Variants in FCHSD2 observed in about 807,000 individuals in gnomAD.
The protein encoded by FCHSD2 is FCH and double SH3 domains 2, also known as F-BAR and double SH3 domains protein 2.
In FCHSD2, 38 loss-of-function variants were observed where a neutral mutation model predicts 108.1. That is an observed-to-expected ratio of 0.35 (90% CI 0.27 to 0.46). FCHSD2 has a LOEUF of 0.46. Among genes scored for constraint, FCHSD2 ranks in the 20% least tolerant of loss-of-function variants. FCHSD2 has a pLI of 1.00. For missense variants in FCHSD2, 751 were observed against 897.8 expected, an observed-to-expected ratio of 0.84 and a Z score of 2.09; for synonymous variants, 279 against 314.7, an observed-to-expected ratio of 0.89 and a Z score of 1.20.
intron 13 of FCHSD2, among the ~76,000 whole-genome samples, chr11:72,862,699 G>C (rs993253090): frequency 6.6e-6 from 1 of 152,156 alleles, no homozygotes; most frequent in African/African-American, 2.4e-5. Context: ...TAAAAATCCT[G>C]ATAGGCTTTT....
chr11:72,937,893 C>T (rs1232858134), intron 8 of FCHSD2, among the ~76,000 whole-genome samples: 1 of 152,158 alleles, frequency 6.6e-6, no homozygotes, highest in Non-Finnish European at 1.5e-5. Flanking sequence ...ATGGGAAATA[C>T]AGAACATAAG....
chr11:73,117,386 T>C (rs536847464), intron 2 of FCHSD2, among the ~76,000 whole-genome samples: 58 of 152,340 alleles, frequency 3.8e-4, no homozygotes, highest in African/African-American at 1.3e-3. Context: ...TATATTTTAT[T>C]ATTTTTCCAT....
chr11:73,026,933 G>A (rs1353379212), intron 3 of FCHSD2, among the ~76,000 whole-genome samples: 1 of 152,092 alleles, frequency 6.6e-6, no homozygotes. Flanking sequence ...TTTCCTGAAG[G>A]CTCCCCAACC....
chr11:73,124,687 C>T (rs1305472913), intron 2 of FCHSD2, among the ~76,000 whole-genome samples: 5 of 151,218 alleles, frequency 3.3e-5, no homozygotes, highest in Admixed American at 6.6e-5. Flanking sequence ...ACCAAGGGGG[C>T]GGAGGTTGCA....
At chr11:72,975,930 T>C (rs1857096085) in intron 8 of FCHSD2, among the ~76,000 whole-genome samples, 1 of 152,214 alleles carries the variant, frequency 6.6e-6, no homozygotes, top group African/African-American at 2.4e-5. Context: ...CTGTATCTCA[T>C]TCTTCCTCAT....
At chr11:72,992,251 T>G (rs367666447) in intron 5 of FCHSD2, among the ~76,000 whole-genome samples, 1 of 151,984 alleles carries the variant, frequency 6.6e-6, no homozygotes, top group East Asian at 1.9e-4. Flanking sequence ...CACTGCTCAA[T>G]GAAATAAAAG....
At chr11:73,043,112 G>A (rs1187271773) in intron 3 of FCHSD2, among the ~76,000 whole-genome samples, 1 of 152,134 alleles carries the variant, frequency 6.6e-6, no homozygotes, top group African/African-American at 2.4e-5. Flanking sequence ...GGTGAAAGTG[G>A]GCATCCTTGT....
chr11:72,854,904 G>A (rs1389915453), intron 13 of FCHSD2, among the ~76,000 whole-genome samples: 3 of 152,134 alleles, frequency 2.0e-5, no homozygotes, highest in African/African-American at 7.2e-5. Context: ...TTGGGAGGCC[G>A]AGGCAGGCAG....
chr11:73,140,135 T>C lies in FCHSD2; in HGVS notation c.22-7A>G, dbSNP rs1390210289. 6.8e-7 allele frequency: 1 copy of C among 1,476,304 alleles called. No individual in the cohort carries two copies. Among genetic ancestry groups the C allele is most frequent in the South Asian group, 1.3e-5 (1 of 77,808 alleles). The allele number at this position is 1,476,304 out of a possible 1,614,324, so 91.5% of individuals were successfully genotyped here. ...GTTCTTGTGTAACTTTCACCTAAAATATACCATATATTTATGAAGGTCTTT... is the reference window on the plus strand; with the variant it reads ...GTTCTTGTGTAACTTTCACCTAAAACATACCATATATTTATGAAGGTCTTT... On this transcript the variant is annotated splice_region_variant and splice_polypyrimidine_tract_variant and intron_variant, in intron 1 of 19. Transcript: ENST00000409418.
intron 10 of FCHSD2, 139 bp downstream of exon 10, chr11:72,902,404 A>G: frequency 1.9e-6 from 1 of 521,888 alleles, no homozygotes; most frequent in East Asian, 3.1e-5. Context: ...AGTCATAATT[A>G]TTCTGTGTCC....
intron 3 of FCHSD2, among the ~76,000 whole-genome samples, chr11:73,026,969 C>G (rs1307362922): frequency 1.3e-5 from 2 of 152,142 alleles, no homozygotes; most frequent in African/African-American, 2.4e-5. Context: ...TCAATTAAAC[C>G]TCTTCCTTGA....
intron 8 of FCHSD2, among the ~76,000 whole-genome samples, chr11:72,957,866 C>G (rs1856745128): frequency 6.6e-6 from 1 of 152,074 alleles, no homozygotes; most frequent in Admixed American, 6.6e-5. Flanking sequence ...ACAAACAGAA[C>G]AAAATGTTAA....
chr11:73,116,217 T>C (rs1475081292), intron 2 of FCHSD2, among the ~76,000 whole-genome samples: 2 of 152,256 alleles, frequency 1.3e-5, no homozygotes, highest in African/African-American at 4.8e-5. Context: ...TAATATTAAA[T>C]TGTCCTTGAA....
Position 73,142,072 on chromosome 11 carries a change from G to T in FCHSD2, c.-195C>A. On this transcript the variant is annotated 5_prime_UTR_variant, in exon 1 of 20. Transcript: ENST00000409418. Reference sequence around the variant, plus strand: ...CCCAGCCAGAGAGCGAGTGTGAGGAGACGAGGGAGGAGCACCGGGAAGGCT... The same window carrying T: ...CCCAGCCAGAGAGCGAGTGTGAGGATACGAGGGAGGAGCACCGGGAAGGCT... 1 of 533,146 alleles carries T rather than the reference G, an allele frequency of 1.9e-6. No homozygotes were observed. 33.0% of individuals were successfully genotyped at this position (533,146 alleles called of 1,614,324 possible).
intron 3 of FCHSD2, among the ~76,000 whole-genome samples, chr11:73,051,413 ATAATT>A (rs1198377911): frequency 6.6e-6 from 1 of 152,244 alleles, no homozygotes; most frequent in Non-Finnish European, 1.5e-5. Context: ...CCTATAATTT[ATAATT>A]TAATATTTTT....
At chr11:72,879,475 G>C (rs564348751) in intron 12 of FCHSD2, among the ~76,000 whole-genome samples, 53 of 152,274 alleles carry the variant, frequency 3.5e-4, no homozygotes, top group Non-Finnish European at 6.2e-4. Context: ...AGAGATGATG[G>C]AATGAGTAGA....
At chr11:72,937,475 T>C (rs1392485817) in intron 8 of FCHSD2, among the ~76,000 whole-genome samples, 4 of 152,218 alleles carry the variant, frequency 2.6e-5, no homozygotes, top group African/African-American at 9.6e-5. Flanking sequence ...GAGTATTCCT[T>C]ACATTGACAT....
chr11:72,854,558 A>C (rs982272627), intron 13 of FCHSD2, among the ~76,000 whole-genome samples: 4 of 152,240 alleles, frequency 2.6e-5, no homozygotes, highest in African/African-American at 9.6e-5. Context: ...CAGCCCCCCG[A>C]GTAGCCGGGA....
intron 8 of FCHSD2, among the ~76,000 whole-genome samples, chr11:72,983,449 C>G (rs1267411195): frequency 6.6e-6 from 1 of 152,072 alleles, no homozygotes; most frequent in Non-Finnish European, 1.5e-5. Flanking sequence ...GCCTGGACAA[C>G]AGAGCGAGAC....
Sources: allele counts gnomAD v4.1 joint callset (sites outside exome capture counted in the v4.1 genomes callset), GRCh38; gene constraint gnomAD v4.1.1; transcripts MANE v1.5; gene names NCBI Gene and HGNC (gene_info 2026-07-23, HGNC 2026-07-21).